Variants in SAGE1 observed in about 807,000 individuals in gnomAD.
SAGE1 encodes the protein sarcoma antigen 1.
SAGE1 carries 55 observed loss-of-function variants against 55.4 expected under a neutral mutation model. The ratio of observed to expected loss-of-function variants is 0.99; its 90% CI spans 0.80 to 1.24. The LOEUF is 1.24. Among genes scored for constraint, SAGE1 ranks in the 50% most tolerant of loss-of-function variants. The pLI is 0.00. For synonymous variants in SAGE1, 240 were observed against 244.3 expected (o/e 0.98, Z 0.17); for missense variants, 710 against 704.4 (o/e 1.01, Z -0.09).
chrX:135,894,180 C>T (rs1556591896), intron 1 of SAGE1, among the ~76,000 whole-genome samples: 1 of 112,062 alleles, frequency 8.9e-6, no homozygotes, highest in Non-Finnish European at 1.9e-5. Flanking sequence ...TCAAGTGATT[C>T]TCCTGCCTCA....
chrX:135,912,924 A>G lies in SAGE1; in HGVS notation c.*27A>G. The G allele has an allele frequency of 9.9e-7, 1 of 1,011,509 alleles. No homozygotes were observed. 83.4% of individuals were successfully genotyped at this position (1,011,509 alleles called of 1,213,427 possible). On this transcript the variant is annotated 3_prime_UTR_variant, in exon 20 of 20. Coordinates refer to ENST00000370709, the MANE Select transcript of SAGE1 (RefSeq NM_001381902.1). The stretch of plus-strand genomic sequence containing the variant: ...TGTGTTAGTGCAAAGACCAAGGAGA[A>G]ACAAGGACATATGCTGTAGGATGGA...
At chrX:135,905,173 C>T in intron 4 of SAGE1, 79 bp from the exon 5 acceptor site, 1 of 941,627 alleles carries the variant, frequency 1.1e-6, no homozygotes, top group Non-Finnish European at 1.5e-6. Context: ...TTCCTAGAAA[C>T]CGAGCATCAG....
Position 135,912,281 on chromosome X carries a change from T to G in SAGE1, c.2522-40T>G, listed in dbSNP as rs782086117. ...CACTAAGATTGAGGTATATTTCATTTTTGTAATTGTAGAAATACTAATTTT... is the reference window on the plus strand; with the variant it reads ...CACTAAGATTGAGGTATATTTCATTGTTGTAATTGTAGAAATACTAATTTT... On this transcript the variant is annotated intron_variant, in intron 18 of 19. Coordinates refer to ENST00000370709, the MANE Select transcript of SAGE1 (RefSeq NM_001381902.1). 4 of 1,177,344 alleles carry G rather than the reference T, an allele frequency of 3.4e-6. No homozygotes were observed. In the Admixed American group the frequency reaches 1.0e-4, roughly 30 times the overall value.
At chrX:135,896,558 ATCTTTT>A (rs2088588629) in intron 2 of SAGE1, among the ~76,000 whole-genome samples, 1 of 85,489 alleles carries the variant, frequency 1.2e-5, no homozygotes, top group African/African-American at 4.1e-5. Context: ...TTTTATTTAT[ATCTTTT>A]TTTTTTTTTT....
intron 1 of SAGE1, among the ~76,000 whole-genome samples, chrX:135,895,147 G>T (rs1300849551): frequency 3.6e-5 from 4 of 111,430 alleles, no homozygotes; most frequent in Non-Finnish European, 5.6e-5. Context: ...ATCTTAGAGT[G>T]TACATTTAAG....
Position 135,910,539 on chromosome X carries a change from G to A in SAGE1, c.1989G>A (p.Thr663=), listed in dbSNP as rs375231665. The A allele has an allele frequency of 5.0e-6, 6 of 1,208,723 alleles. No homozygotes were observed. Among genetic ancestry groups the A allele is most frequent in the South Asian group, 3.5e-5 (2 of 56,767 alleles). The change falls in exon 16 of 20, where the codon ACG becomes ACA. Residue 663 remains threonine, a synonymous_variant. Coordinates refer to ENST00000370709, the MANE Select transcript of SAGE1 (RefSeq NM_001381902.1). ...RHMAAAGISS[T]ITRDLYVTAT... ...TGGCAGCAGCTGGAATTTCATCCAC[G>A]ATTACCAGGGATCTGTGTATGTCTG...
Position 135,896,111 on chromosome X carries a change from T to C in SAGE1, c.1-132T>C, listed in dbSNP as rs1300291246. On this transcript the variant is annotated intron_variant, in intron 1 of 19. Transcript: ENST00000370709. ...ACCAAGGCACACATTGCTAAGACAATCTGTGATCATGTACTCTCAAGAGGA... is the reference window on the plus strand; with the variant it reads ...ACCAAGGCACACATTGCTAAGACAACCTGTGATCATGTACTCTCAAGAGGA... 8.7e-6 allele frequency: 4 copies of C among 460,288 alleles called. No individual in the cohort carries two copies. In the East Asian group the frequency reaches 1.4e-4, roughly 17 times the overall value. The allele number at this position is 460,288 out of a possible 1,213,427, so 37.9% of individuals were successfully genotyped here.
At chrX:135,907,584 G>A in intron 9 of SAGE1, 117 bp from the exon 10 acceptor site, 1 of 990,887 alleles carries the variant, frequency 1.0e-6, no homozygotes, top group Non-Finnish European at 1.4e-6. Context: ...ATCATCACTT[G>A]CTGTATCCTC....
Position 135,911,342 on chromosome X carries a change from T to A in SAGE1, c.2146+10T>A. On this transcript the variant is annotated intron_variant, in intron 17 of 19. Coordinates refer to ENST00000370709, the MANE Select transcript of SAGE1 (RefSeq NM_001381902.1). Reference sequence around the variant, plus strand: ...AGTACCAGGGATCTGTGTATGTTTGTGTATTGGTTGTACTGTCCTACTTGG... The same window carrying A: ...AGTACCAGGGATCTGTGTATGTTTGAGTATTGGTTGTACTGTCCTACTTGG... 1.7e-6 allele frequency: 2 copies of A among 1,201,778 alleles called. No individual in the cohort carries two copies. The highest frequency in any genetic ancestry group is 2.3e-6 in the Non-Finnish European group (2 of 888,213).
rs782076530 is a variant in SAGE1 at position 135,908,489 on chromosome X, A to G, written c.1313A>G (p.Asn438Ser). 2.5e-6 allele frequency: 3 copies of G among 1,200,980 alleles called. No homozygotes were observed. The African/African-American group carries it at 5.3e-5, about 21-fold the overall frequency. The change falls in exon 12 of 20, where the codon AAT becomes AGT. Residue 438 changes from asparagine to serine, a missense_variant. By Grantham distance (46) the Asn-to-Ser change is conservative (BLOSUM62 1). Coordinates refer to ENST00000370709, the MANE Select transcript of SAGE1 (RefSeq NM_001381902.1). Reference sequence around the variant, plus strand: ...ATTTGGTTTCTAGATGCTACCGTCAATCACCATGTCCATGAAGCAAGGATG... The same window carrying G: ...ATTTGGTTTCTAGATGCTACCGTCAGTCACCATGTCCATGAAGCAAGGATG... Reference protein sequence around the residue: ...MSTRDQYATVNHHVHEARMEN... With the variant: ...MSTRDQYATVSHHVHEARMEN...
intron 1 of SAGE1, among the ~76,000 whole-genome samples, chrX:135,894,831 T>TTCGG (rs2088558708): frequency 9.0e-6 from 1 of 111,165 alleles, no homozygotes; most frequent in Admixed American, 9.6e-5. Context: ...CAGAAGGAAA[T>TTCGG]TCGGTGTGCT....
At chrX:135,900,319 G>C (rs781993323) in intron 2 of SAGE1, among the ~76,000 whole-genome samples, 3 of 111,793 alleles carry the variant, frequency 2.7e-5, no homozygotes, top group Non-Finnish European at 3.8e-5. Flanking sequence ...ATTCTGAAAT[G>C]ACCTTGCATC....
intron 2 of SAGE1, among the ~76,000 whole-genome samples, chrX:135,896,713 C>G (rs1170540180): frequency 1.8e-5 from 2 of 109,511 alleles, no homozygotes; most frequent in African/African-American, 6.6e-5. Flanking sequence ...CATGCGCCAC[C>G]ACACCCAGCT....
rs188421423 is a variant in SAGE1 at position 135,911,116 on chromosome X, A to G, written c.2006-76A>G. ...GTATGGGATAACGTCCTGGAAACTG[A>G]GCATCAGCAGGATATCCCTGTGGGG... On this transcript the variant is annotated intron_variant, in intron 16 of 19. Transcript: ENST00000370709. The G allele has an allele frequency of 2.7e-5, 29 of 1,056,615 alleles. No individual in the cohort carries two copies. The East Asian group carries it at 7.9e-4, about 29-fold the overall frequency. The allele number at this position is 1,056,615 out of a possible 1,213,427, so 87.1% of individuals were successfully genotyped here.
chrX:135,909,089 A>T, intron 13 of SAGE1, 85 bp downstream of exon 13: 1 of 903,402 alleles, frequency 1.1e-6, no homozygotes, highest in Admixed American at 2.5e-5. Flanking sequence ...GTTTTGTAGT[A>T]TATTCTTTCC....
intron 3 of SAGE1, among the ~76,000 whole-genome samples, chrX:135,903,753 A>G (rs1556598326): frequency 9.0e-6 from 1 of 111,700 alleles, no homozygotes; most frequent in Non-Finnish European, 1.9e-5. Context: ...TGAACTATAC[A>G]AATAATATCA....
At position 135,908,460 on chromosome X, in the gene SAGE1, CTTTA is replaced by C; in HGVS notation, c.1301-13_1301-10del. The C allele has an allele frequency of 1.7e-6, 2 of 1,194,123 alleles. No individual in the cohort carries two copies. The highest frequency in any genetic ancestry group is 2.3e-6 in the Non-Finnish European group (2 of 888,344). On this transcript the variant is annotated splice_polypyrimidine_tract_variant and intron_variant, in intron 11 of 19. Transcript: ENST00000370709. ...ATGCACTTAACTCACAGCTCGACCT[CTTTA>C]TTTGGTTTCTAGATGCTACCGTCAA...
intron 3 of SAGE1, among the ~76,000 whole-genome samples, chrX:135,903,629 T>C (rs1192969778): frequency 1.8e-5 from 2 of 112,275 alleles, no homozygotes; most frequent in African/African-American, 3.2e-5. Context: ...GATAAGAGTG[T>C]TCAACTCCAA....
At chrX:135,898,849 T>C (rs1185375962) in intron 2 of SAGE1, among the ~76,000 whole-genome samples, 3 of 112,495 alleles carry the variant, frequency 2.7e-5, no homozygotes, top group Non-Finnish European at 5.6e-5. Flanking sequence ...TGTTTGGTTT[T>C]CTTTTGTAAA....
Sources: allele counts gnomAD v4.1 joint callset (sites outside exome capture counted in the v4.1 genomes callset), GRCh38; gene constraint gnomAD v4.1.1; transcripts MANE v1.5; gene names NCBI Gene and HGNC (gene_info 2026-07-23, HGNC 2026-07-21).